Variants in EVI5 observed in about 807,000 individuals in gnomAD.
The protein encoded by EVI5 is ecotropic viral integration site 5 protein homolog.
In EVI5, 73 loss-of-function variants were observed where a neutral mutation model predicts 112.0. The ratio of observed to expected loss-of-function variants is 0.65; its 90% CI spans 0.54 to 0.79. EVI5 has a LOEUF of 0.79. Ranked by LOEUF, EVI5 falls within the 30% of genes least tolerant of loss-of-function variation. The probability of loss-of-function intolerance (pLI) is 0.00; values close to 1 mark genes in which losing one functional copy is unlikely to be tolerated. For synonymous variants in EVI5, 305 were observed against 319.9 expected, an observed-to-expected ratio of 0.95 and a Z score of 0.50; for missense variants, 900 against 968.8, an observed-to-expected ratio of 0.93 and a Z score of 0.94.
At chr1:92,736,343 A>T (rs1392609289) in intron 2 of EVI5, 55 bp downstream of exon 2, 2 of 1,185,752 alleles carry the variant, frequency 1.7e-6, no homozygotes, top group African/African-American at 3.0e-5. Flanking sequence ...GTAAGTAAAT[A>T]TGAATGGCTG....
At chr1:92,717,478 A>G (rs571838974) in intron 2 of EVI5, among the ~76,000 whole-genome samples, 2 of 152,246 alleles carry the variant, frequency 1.3e-5, no homozygotes, top group East Asian at 3.8e-4. Context: ...AAAATCCTTT[A>G]CAGACAAGCA....
intron 18 of EVI5, among the ~76,000 whole-genome samples, chr1:92,596,986 T>C (rs1202949616): frequency 6.6e-6 from 1 of 152,032 alleles, no homozygotes; most frequent in Non-Finnish European, 1.5e-5. Context: ...TTTACATGAG[T>C]TTTCTCATTT....
intron 1 of EVI5, chr1:92,792,276 C>G (rs1686155253): frequency 2.9e-6 from 3 of 1,019,844 alleles, no homozygotes; most frequent in Non-Finnish European, 4.6e-6. Flanking sequence ...TAACAAATTA[C>G]TTTCTGTTAC....
chr1:92,606,072 C>T (rs1306790532), intron 17 of EVI5, among the ~76,000 whole-genome samples: 2 of 152,152 alleles, frequency 1.3e-5, no homozygotes, highest in Non-Finnish European at 2.9e-5. Flanking sequence ...AATTAACACA[C>T]AGCTTAAACA....
At chr1:92,760,873 G>A (rs560072870) in intron 1 of EVI5, among the ~76,000 whole-genome samples, 1 of 151,884 alleles carries the variant, frequency 6.6e-6, no homozygotes, top group East Asian at 1.9e-4. Flanking sequence ...TGGCTAATAC[G>A]GTGAAACCCC....
At chr1:92,652,601 C>T (rs1662322897) in intron 13 of EVI5, among the ~76,000 whole-genome samples, 1 of 152,164 alleles carries the variant, frequency 6.6e-6, no homozygotes, top group African/African-American at 2.4e-5. Flanking sequence ...ACATTTATTG[C>T]AACACTACTC....
In EVI5 at chr1:92,525,294, GA is replaced by G. The variant is rs1431130434; in HGVS notation, c.2167-11325del. 2.2e-4 allele frequency among the ~76,000 whole-genome samples: 21 copies of G among 96,748 alleles called. No homozygotes were observed. The Admixed American group carries it at 3.0e-3, about 14-fold the overall frequency. 63.5% of individuals were successfully genotyped at this position (96,748 alleles called of 152,430 possible). ...TTTTTTTTTTTTTTTTTTTGAGACA[GA>G]GTCTCAATCTGTTGCCCAGGCTGGA... On this transcript the variant is annotated intron_variant, in intron 19 of 19. Transcript: ENST00000684568.
At chr1:92,533,996 G>C (rs1287565894) in intron 19 of EVI5, among the ~76,000 whole-genome samples, 1 of 152,200 alleles carries the variant, frequency 6.6e-6, no homozygotes, top group Non-Finnish European at 1.5e-5. Flanking sequence ...AATTGTCTCT[G>C]TTTGCAGATG....
chr1:92,719,093 C>CCTTACACCTTAT (rs1558141763), intron 2 of EVI5, among the ~76,000 whole-genome samples: 1 of 152,100 alleles, frequency 6.6e-6, no homozygotes, highest in African/African-American at 2.4e-5. Flanking sequence ...CAGATGGATT[C>CCTTACACCTTAT]ACAGCCGAAT....
intron 2 of EVI5, among the ~76,000 whole-genome samples, chr1:92,713,501 C>T (rs1198205252): frequency 6.6e-6 from 1 of 152,030 alleles, no homozygotes; most frequent in Non-Finnish European, 1.5e-5. Context: ...TCTGGCCAGG[C>T]GCAGTGGCTC....
At chr1:92,675,516 T>C (rs1572233235) in intron 10 of EVI5, among the ~76,000 whole-genome samples, 1 of 152,036 alleles carries the variant, frequency 6.6e-6, no homozygotes, top group Admixed American at 6.6e-5. Context: ...TGTGGTGAAA[T>C]GAACAGGATG....
intron 10 of EVI5, among the ~76,000 whole-genome samples, chr1:92,668,317 T>C (rs1000387708): frequency 2.6e-5 from 4 of 152,204 alleles, no homozygotes; most frequent in Admixed American, 2.0e-4. Flanking sequence ...AAAATGTTCT[T>C]ATGTCTTGGC....
chr1:92,723,073 G>C (rs1376262196), intron 2 of EVI5, among the ~76,000 whole-genome samples: 1 of 152,176 alleles, frequency 6.6e-6, no homozygotes, highest in African/African-American at 2.4e-5. Context: ...CCTGTTCCCT[G>C]TGAATTTCCT....
intron 18 of EVI5, among the ~76,000 whole-genome samples, chr1:92,569,638 G>A (rs1474729899): frequency 6.6e-6 from 1 of 151,838 alleles, no homozygotes; most frequent in Non-Finnish European, 1.5e-5. Flanking sequence ...GGCGGATCAC[G>A]AGGTCAAGAG....
At chr1:92,753,326 TCAAA>T (rs1223966302) in intron 1 of EVI5, among the ~76,000 whole-genome samples, 5 of 152,074 alleles carry the variant, frequency 3.3e-5, no homozygotes, top group South Asian at 2.1e-4. Flanking sequence ...TTCATCTCAA[TCAAA>T]CAGTCAATCA....
intron 18 of EVI5, among the ~76,000 whole-genome samples, chr1:92,600,952 A>G (rs1451899340): frequency 6.6e-6 from 1 of 152,198 alleles, no homozygotes; most frequent in Non-Finnish European, 1.5e-5. Context: ...CACATCCACG[A>G]CTGATAAAGA....
intron 16 of EVI5, among the ~76,000 whole-genome samples, chr1:92,622,022 G>A (rs1188027196): frequency 6.6e-6 from 1 of 151,962 alleles, no homozygotes; most frequent in Non-Finnish European, 1.5e-5. Context: ...TTGGGAGGCT[G>A]AGGAGGAGAA....
intron 19 of EVI5, among the ~76,000 whole-genome samples, chr1:92,530,409 G>C (rs1662665153): frequency 6.6e-6 from 1 of 152,102 alleles, no homozygotes; most frequent in African/African-American, 2.4e-5. Flanking sequence ...GAGAGCAGCG[G>C]ATCTCCCAAC....
At chr1:92,514,419 G>C (rs1659556327) in intron 19 of EVI5, among the ~76,000 whole-genome samples, 1 of 152,158 alleles carries the variant, frequency 6.6e-6, no homozygotes, top group Admixed American at 6.5e-5. Context: ...GTCTCCCAAA[G>C]TGTTGGGATT....
Sources: allele counts gnomAD v4.1 joint callset (sites outside exome capture counted in the v4.1 genomes callset), GRCh38; gene constraint gnomAD v4.1.1; transcripts MANE v1.5; gene names NCBI Gene and HGNC (gene_info 2026-07-23, HGNC 2026-07-21).